PPP1R16B: variants seen among roughly 807,000 people sequenced by gnomAD.
The protein encoded by PPP1R16B is protein phosphatase 1 regulatory subunit 16B.
In PPP1R16B, 14 loss-of-function variants were observed where a neutral mutation model predicts 61.7. That is an observed-to-expected ratio of 0.23 (90% CI 0.15 to 0.35). The LOEUF is 0.35. Among genes scored for constraint, PPP1R16B ranks in the 10% least tolerant of loss-of-function variants. The probability of loss-of-function intolerance (pLI) is 1.00; values close to 1 mark genes in which losing one functional copy is unlikely to be tolerated. For synonymous variants in PPP1R16B, 266 were observed against 305.3 expected, an observed-to-expected ratio of 0.87 and a Z score of 1.34; for missense variants, 547 against 752.5, an observed-to-expected ratio of 0.73 and a Z score of 3.19.
chr20:38,868,998 C>G (rs1369785310), intron 2 of PPP1R16B, among the ~76,000 whole-genome samples: 1 of 152,078 alleles, frequency 6.6e-6, no homozygotes, highest in Non-Finnish European at 1.5e-5. Context: ...AGGACACTGC[C>G]ATCAGTCCAA....
intron 1 of PPP1R16B, among the ~76,000 whole-genome samples, chr20:38,817,976 G>A (rs933568266): frequency 1.3e-5 from 2 of 152,342 alleles, no homozygotes; most frequent in South Asian, 2.1e-4. Flanking sequence ...CCCGGGAGGC[G>A]GAGCCTGCAG....
rs1020379901 is a variant in PPP1R16B, at chr20:38,889,520, G to T, written c.251-75G>T. ...TCTTCATAGGCCTGGGGGAGAGCGG[G>T]TCTTACCCGGGCCCCTGCATGCCTG... is the stretch of plus-strand genomic sequence containing the variant. On this transcript the variant is annotated intron_variant, in intron 2 of 10. Transcript: ENST00000299824. The T allele has an allele frequency of 3.8e-6, 5 of 1,305,120 alleles. No homozygotes were observed. In the African/African-American group the frequency reaches 7.3e-5, roughly 19 times the overall value. The allele number at this position is 1,305,120 out of a possible 1,614,324, so 80.8% of individuals were successfully genotyped here.
chr20:38,893,844 C>G (rs79102763), intron 3 of PPP1R16B, among the ~76,000 whole-genome samples: 13 of 152,130 alleles, frequency 8.5e-5, no homozygotes, highest in African/African-American at 2.2e-4. Context: ...CACTCCACCC[C>G]CTATGTTTCC....
Position 38,917,486 on chromosome 20 carries a change from G to A in PPP1R16B, c.1195-671G>A, listed in dbSNP as rs148188731. ...TCTATTTTTTAGTTTATAGTTTTTA[G>A]GAAGCAGCTACTTTTCAAACTCTTG... is the stretch of plus-strand genomic sequence containing the variant. On this transcript the variant is annotated intron_variant, in intron 10 of 10. Coordinates refer to ENST00000299824, the MANE Select transcript of PPP1R16B (RefSeq NM_015568.4). Among the ~76,000 whole-genome samples the A allele has an allele frequency of 2.7e-3, 408 of 152,146 alleles. 1 individual carries two copies. Among genetic ancestry groups the A allele is most frequent in the African/African-American group, 9.3e-3 (387 of 41,496 alleles).
chr20:38,825,974 T>C (rs2084803121), intron 1 of PPP1R16B, among the ~76,000 whole-genome samples: 1 of 152,198 alleles, frequency 6.6e-6, no homozygotes, highest in African/African-American at 2.4e-5. Flanking sequence ...CTCCTCACAG[T>C]GCACCAAGTA....
At chr20:38,840,608 A>G (rs2084903380) in intron 2 of PPP1R16B, among the ~76,000 whole-genome samples, 1 of 152,136 alleles carries the variant, frequency 6.6e-6, no homozygotes, top group African/African-American at 2.4e-5. Flanking sequence ...CTCAGCTTTG[A>G]GTCCAGCGTG....
At chr20:38,829,784 C>G (rs566102217) in intron 1 of PPP1R16B, among the ~76,000 whole-genome samples, 10 of 152,322 alleles carry the variant, frequency 6.6e-5, no homozygotes, top group Non-Finnish European at 4.4e-5. Context: ...TTTAATTAGA[C>G]CAAGCAGGGA....
At chr20:38,841,938 G>T (rs541108911) in intron 2 of PPP1R16B, among the ~76,000 whole-genome samples, 8 of 152,108 alleles carry the variant, frequency 5.3e-5, no homozygotes, top group Non-Finnish European at 1.0e-4. Context: ...ATTTCTCTTG[G>T]GTCATTACCT....
chr20:38,875,905 C>G (rs1000172614), intron 2 of PPP1R16B, among the ~76,000 whole-genome samples: 1 of 150,866 alleles, frequency 6.6e-6, no homozygotes, highest in East Asian at 2.0e-4. Flanking sequence ...ATATTTGTTT[C>G]TTCCTCTCCT....
intron 3 of PPP1R16B, among the ~76,000 whole-genome samples, chr20:38,890,987 C>G (rs1358310281): frequency 6.6e-6 from 1 of 152,202 alleles, no homozygotes; most frequent in Non-Finnish European, 1.5e-5. Flanking sequence ...AGTACCCCCA[C>G]TCCATCTGCC....
intron 1 of PPP1R16B, among the ~76,000 whole-genome samples, chr20:38,816,262 C>T (rs1169059204): frequency 6.6e-6 from 1 of 152,104 alleles, no homozygotes; most frequent in East Asian, 1.9e-4. Context: ...CACTGATTAC[C>T]GATCACTCAA....
At chr20:38,912,299 A>G (rs1307076390) in intron 10 of PPP1R16B, among the ~76,000 whole-genome samples, 1 of 151,916 alleles carries the variant, frequency 6.6e-6, no homozygotes, top group Non-Finnish European at 1.5e-5. Flanking sequence ...GGGTTTCACC[A>G]TGTTAAGGTG....
intron 2 of PPP1R16B, among the ~76,000 whole-genome samples, chr20:38,845,501 C>T (rs980683664): frequency 6.6e-6 from 1 of 152,136 alleles, no homozygotes; most frequent in African/African-American, 2.4e-5. Context: ...AACTTTAACC[C>T]TAACATTCAC....
At chr20:38,890,148 G>T (rs2145760791) in intron 3 of PPP1R16B, among the ~76,000 whole-genome samples, 1 of 152,348 alleles carries the variant, frequency 6.6e-6, no homozygotes, top group South Asian at 2.1e-4. Context: ...CCCTGCTGGG[G>T]ATGGCTTCTC....
At chr20:38,899,139 C>T (rs1313172147) in intron 4 of PPP1R16B, among the ~76,000 whole-genome samples, 1 of 152,204 alleles carries the variant, frequency 6.6e-6, no homozygotes, top group African/African-American at 2.4e-5. Context: ...ATGGATATGA[C>T]AGTACTGCTG....
intron 4 of PPP1R16B, among the ~76,000 whole-genome samples, chr20:38,899,020 G>A (rs1424169706): frequency 6.6e-6 from 1 of 152,194 alleles, no homozygotes; most frequent in Non-Finnish European, 1.5e-5. Context: ...AGCCAGACCA[G>A]GGGGCTGATC....
intron 1 of PPP1R16B, among the ~76,000 whole-genome samples, chr20:38,819,010 A>G (rs2084757064): frequency 6.6e-6 from 1 of 152,228 alleles, no homozygotes; most frequent in East Asian, 1.9e-4. Context: ...TCCTGGGCTC[A>G]AGCCATCCTT....
intron 1 of PPP1R16B, among the ~76,000 whole-genome samples, chr20:38,810,002 A>C (rs1340864023): frequency 2.5e-4 from 38 of 151,194 alleles, no homozygotes; most frequent in East Asian, 9.7e-4. Context: ...AAAAAAAAAA[A>C]AAAACAAAAC....
chr20:38,869,086 A>C (rs911314093), intron 2 of PPP1R16B, among the ~76,000 whole-genome samples: 1 of 151,812 alleles, frequency 6.6e-6, no homozygotes, highest in Non-Finnish European at 1.5e-5. Flanking sequence ...TTTTTTCCCC[A>C]CTAAAGGCTA....
Sources: gnomAD v4.1 joint callset for allele counts (sites outside exome capture counted in the v4.1 genomes callset) on GRCh38, gnomAD v4.1.1 for gene constraint, MANE v1.5 for transcripts, NCBI Gene and HGNC (gene_info 2026-07-23, HGNC 2026-07-21) for gene names.